The following B3GALT1 variants were observed in gnomAD, a reference collection of about 807,000 sequenced individuals.
B3GALT1 encodes the protein beta-1,3-galactosyltransferase 1, also known as UDP-Gal:betaGlcNAc beta 1,3-galactosyltransferase, polypeptide 1.
A neutral mutation model predicts 23.2 loss-of-function variants in B3GALT1; 10 were observed. That is an observed-to-expected ratio of 0.43 (90% confidence interval 0.27 to 0.73). B3GALT1 has a LOEUF of 0.73. Among genes scored for constraint, B3GALT1 ranks in the 30% least tolerant of loss-of-function variants. The probability of loss-of-function intolerance (pLI) is 0.21; values close to 1 mark genes in which losing one functional copy is unlikely to be tolerated. For synonymous variants in B3GALT1, 156 were observed against 141.5 expected (o/e 1.10, Z -0.73); for missense variants, 299 against 405.4 (o/e 0.74, Z 2.25).
chr2:167,786,866 CCAGACACGGAGATT>C (rs528852853), intron 3 of B3GALT1, among the ~76,000 whole-genome samples: 172 of 152,248 alleles, frequency 1.1e-3, no homozygotes, highest in African/African-American at 3.9e-3. Context: ...GAGTCCATTC[CCAGACACGGAGATT>C]CTGATTTAAT....
At chr2:167,805,814 C>G (rs1357431328) in intron 3 of B3GALT1, among the ~76,000 whole-genome samples, 2 of 152,140 alleles carry the variant, frequency 1.3e-5, no homozygotes, top group African/African-American at 4.8e-5. Flanking sequence ...AATGCAGGCT[C>G]TTTTTTGGTT....
chr2:167,400,489 C>G (rs939285248), intron 1 of B3GALT1, among the ~76,000 whole-genome samples: 1 of 151,928 alleles, frequency 6.6e-6, no homozygotes, highest in African/African-American at 2.4e-5. Flanking sequence ...CAGCACATCT[C>G]TGTCTATTTC....
At chr2:167,734,518 C>T (rs908349268) in intron 3 of B3GALT1, among the ~76,000 whole-genome samples, 2 of 152,288 alleles carry the variant, frequency 1.3e-5, no homozygotes, top group South Asian at 4.2e-4. Context: ...ATGAGACCCC[C>T]GTGCACCATG....
At chr2:167,295,435 A>T (rs1312526947) in intron 1 of B3GALT1, among the ~76,000 whole-genome samples, 1 of 152,200 alleles carries the variant, frequency 6.6e-6, no homozygotes, top group African/African-American at 2.4e-5. Flanking sequence ...TAAGCAGTTT[A>T]TGTTAGTTTT....
chr2:167,299,033 G>T (rs1696403960), intron 1 of B3GALT1, among the ~76,000 whole-genome samples: 1 of 152,158 alleles, frequency 6.6e-6, no homozygotes, highest in Non-Finnish European at 1.5e-5. Flanking sequence ...ACAGGGGTTT[G>T]AAGAGACATA....
At chr2:167,558,639 C>T (rs566472294) in intron 2 of B3GALT1, among the ~76,000 whole-genome samples, 65 of 152,156 alleles carry the variant, frequency 4.3e-4, no homozygotes, top group Non-Finnish European at 7.2e-4. Flanking sequence ...TAGGAAATGG[C>T]GCACCAGGAG....
intron 1 of B3GALT1, among the ~76,000 whole-genome samples, chr2:167,326,466 G>C (rs1341989802): frequency 2.6e-5 from 4 of 151,484 alleles, no homozygotes; most frequent in African/African-American, 9.7e-5. Context: ...TTTTATTTTT[G>C]TTGCCTGTCA....
chr2:167,810,188 T>C (rs1688856356), intron 3 of B3GALT1, among the ~76,000 whole-genome samples: 1 of 150,958 alleles, frequency 6.6e-6, no homozygotes, highest in Non-Finnish European at 1.5e-5. Context: ...CTGTCACCGC[T>C]TTGACTAGGA....
At chr2:167,613,989 G>A (rs1685113583) in intron 2 of B3GALT1, among the ~76,000 whole-genome samples, 1 of 151,646 alleles carries the variant, frequency 6.6e-6, no homozygotes, top group Non-Finnish European at 1.5e-5. Flanking sequence ...AGGCTATGAT[G>A]AGACCAAGCT....
intron 4 of B3GALT1, among the ~76,000 whole-genome samples, chr2:167,863,761 T>C (rs1559007016): frequency 6.6e-6 from 1 of 152,218 alleles, no homozygotes; most frequent in Non-Finnish European, 1.5e-5. Context: ...GGCTATTTTT[T>C]AATACCCCTT....
At chr2:167,661,975 T>C (rs771677190) in intron 3 of B3GALT1, among the ~76,000 whole-genome samples, 12 of 151,618 alleles carry the variant, frequency 7.9e-5, no homozygotes, top group Non-Finnish European at 1.2e-4. Context: ...TAAAGAGAAA[T>C]AAAACCTTTA....
intron 1 of B3GALT1, among the ~76,000 whole-genome samples, chr2:167,347,328 C>G (rs1697236000): frequency 6.6e-6 from 1 of 152,122 alleles, no homozygotes; most frequent in African/African-American, 2.4e-5. Flanking sequence ...CAAGTTGATG[C>G]TTAGAAAGAG....
intron 4 of B3GALT1, among the ~76,000 whole-genome samples, chr2:167,844,428 C>T (rs1167750029): frequency 6.6e-6 from 1 of 152,196 alleles, no homozygotes; most frequent in Non-Finnish European, 1.5e-5. Context: ...ATGAGTGCCC[C>T]AACTGCGGTA....
chr2:167,330,719 TCTC>T (rs776911962), intron 1 of B3GALT1, among the ~76,000 whole-genome samples: 17 of 152,362 alleles, frequency 1.1e-4, no homozygotes, highest in Non-Finnish European at 2.4e-4. Context: ...TTGGTAAATT[TCTC>T]ATTCATATTC....
chr2:167,649,767 C>G (rs558503996), intron 3 of B3GALT1, among the ~76,000 whole-genome samples: 63 of 151,964 alleles, frequency 4.1e-4, no homozygotes, highest in African/African-American at 1.4e-3. Flanking sequence ...GATCTTGTGT[C>G]CTACAAGTTT....
chr2:167,545,023 CTTTTTTTTT>C (rs869066627), intron 2 of B3GALT1, among the ~76,000 whole-genome samples: 937 of 54,226 alleles, frequency 0.017, 5 homozygotes, highest in Admixed American at 0.026. Flanking sequence ...GCTTGGGTGT[CTTTTTTTTT>C]TTTTTTTTTT....
chr2:167,367,184 A>G (rs1252878958), intron 1 of B3GALT1, among the ~76,000 whole-genome samples: 1 of 152,358 alleles, frequency 6.6e-6, no homozygotes, highest in Non-Finnish European at 1.5e-5. Flanking sequence ...ACGTATTTAC[A>G]AAGATAAATT....
chr2:167,564,036 G>C (rs1325544877), intron 2 of B3GALT1, among the ~76,000 whole-genome samples: 17 of 150,454 alleles, frequency 1.1e-4, no homozygotes, highest in South Asian at 2.1e-4. Context: ...CGAGGTGGCT[G>C]CTGGGAGGAG....
chr2:167,558,811 G>A (rs188916624), intron 2 of B3GALT1, among the ~76,000 whole-genome samples: 1 of 152,226 alleles, frequency 6.6e-6, no homozygotes, highest in Non-Finnish European at 1.5e-5. Context: ...CAGGAAGTTC[G>A]AACTGGGTGG....
Sources: allele counts gnomAD v4.1 joint callset (sites outside exome capture counted in the v4.1 genomes callset), GRCh38; gene constraint gnomAD v4.1.1; transcripts MANE v1.5; gene names NCBI Gene and HGNC (gene_info 2026-07-23, HGNC 2026-07-21).